Variants in OPRM1 observed in about 807,000 individuals in gnomAD.
OPRM1 encodes the protein opioid receptor mu 1.
OPRM1 carries 27 observed loss-of-function variants against 31.8 expected under a neutral mutation model. The ratio of observed to expected loss-of-function variants is 0.85; its 90% CI spans 0.63 to 1.17. The LOEUF (loss-of-function observed/expected upper bound fraction) is 1.17, where lower values mean the gene tolerates loss of function less well. Ranked by LOEUF, OPRM1 falls within the 50% of genes most tolerant of loss-of-function variation. The pLI is 0.00. For missense variants in OPRM1, 536 were observed against 511.1 expected (o/e 1.05, Z -0.47); for synonymous variants, 196 against 189.9 (o/e 1.03, Z -0.26).
chr6:154,076,502 C>T (rs1041373478), intron 1 of OPRM1, among the ~76,000 whole-genome samples: 2 of 152,224 alleles, frequency 1.3e-5, no homozygotes, highest in East Asian at 3.9e-4. Context: ...ACAATAGTGG[C>T]ATATTACCTA....
intron 3 of OPRM1, among the ~76,000 whole-genome samples, chr6:154,142,655 C>T (rs926027101): frequency 2.0e-5 from 3 of 152,150 alleles, no homozygotes; most frequent in African/African-American, 7.2e-5. Flanking sequence ...TCCAAGTGTA[C>T]TTTCCTTTCT....
intron 3 of OPRM1, among the ~76,000 whole-genome samples, chr6:154,164,823 A>G (rs1010449728): frequency 1.6e-4 from 25 of 152,214 alleles, no homozygotes; most frequent in African/African-American, 5.8e-4. Context: ...GACTTAGCCA[A>G]AAGTCAGTGA....
rs376353726 is a variant in OPRM1 at position 154,229,040 on chromosome 6, T to C, written c.1165-17653T>C. On this transcript the variant is annotated intron_variant, in intron 3 of 3. Coordinates refer to the OPRM1 transcript ENST00000337049. ...TAGGTGTGACCATTTCCAAAACTTTTTCCCTATTCCCTTAAGTCTGGACTA... is the reference window on the plus strand; with the variant it reads ...TAGGTGTGACCATTTCCAAAACTTTCTCCCTATTCCCTTAAGTCTGGACTA... 6.6e-5 allele frequency among the ~76,000 whole-genome samples: 10 copies of C among 152,362 alleles called. No homozygotes were observed. The East Asian group carries it at 1.5e-3, about 24-fold the overall frequency.
In OPRM1 at chr6:154,039,528, G is replaced by T. The variant is rs201433088; in HGVS notation, c.-17G>T. The T allele has an allele frequency of 1.7e-5, 28 of 1,600,934 alleles. No homozygotes were observed. The East Asian group carries it at 5.4e-4, about 31-fold the overall frequency. ...CTGGCTACCTCGCACAGCGGTGCCC[G>T]CCCGGCCGTCAGTACCATGGACAGC... On this transcript the variant is annotated 5_prime_UTR_variant, in exon 1 of 4. Coordinates refer to ENST00000330432, the MANE Select transcript of OPRM1 (RefSeq NM_000914.5).
rs1342078407 is a variant in OPRM1 at position 154,039,711 on chromosome 6, ACAG to A, written c.169_171del (p.Ser57del). 6.2e-7 allele frequency: 1 copy of A among 1,613,082 alleles called. No individual in the cohort carries two copies. The highest frequency in any genetic ancestry group is 1.3e-5 in the African/African-American group (1 of 75,040). ...AACCGCACCGACCTGGGCGGGAGAG[ACAG>A]CCTGTGCCCTCCGACCGGCAGTCCC... On this transcript the variant is annotated inframe_deletion, in exon 1 of 4. Coordinates refer to ENST00000330432, the MANE Select transcript of OPRM1 (RefSeq NM_000914.5).
Position 154,118,991 on chromosome 6 carries a change from G to A in OPRM1, c.*270G>A, listed in dbSNP as rs950726645. On this transcript the variant is annotated 3_prime_UTR_variant, in exon 4 of 4. Transcript: ENST00000330432. Reference sequence around the variant, plus strand: ...GTGGAACCAAAACCCATCGTGGTATGTGAATTGAAGTCATCATAAAAGGTG... The same window carrying A: ...GTGGAACCAAAACCCATCGTGGTATATGAATTGAAGTCATCATAAAAGGTG... The A allele has an allele frequency of 8.4e-7, 1 of 1,196,432 alleles. No homozygotes were observed. The highest frequency in any genetic ancestry group is 1.0e-6 in the Non-Finnish European group (1 of 963,564). The allele number at this position is 1,196,432 out of a possible 1,614,324, so 74.1% of individuals were successfully genotyped here. A position where few individuals can be genotyped will look rare whatever the true frequency, so the allele number is the denominator to read the frequency against.
At chr6:154,228,286 G>A (rs1390533398) in intron 3 of OPRM1, among the ~76,000 whole-genome samples, 4 of 145,990 alleles carry the variant, frequency 2.7e-5, no homozygotes, top group Non-Finnish European at 3.0e-5. Context: ...GACAACATAG[G>A]CAGACCTTGT....
intron 1 of OPRM1, among the ~76,000 whole-genome samples, chr6:154,020,337 T>C (rs1156356023): frequency 6.6e-6 from 1 of 152,196 alleles, no homozygotes; most frequent in African/African-American, 2.4e-5. Flanking sequence ...AACTGTTTTC[T>C]ACAGTGGCTG....
chr6:154,143,262 A>G (rs1798268349), intron 3 of OPRM1, among the ~76,000 whole-genome samples: 2 of 152,074 alleles, frequency 1.3e-5, no homozygotes, highest in Admixed American at 1.3e-4. Context: ...CCTCTGTCCC[A>G]TTGTATCTAA....
chr6:154,112,463 G>A (rs981730519), intron 3 of OPRM1, among the ~76,000 whole-genome samples: 3 of 152,194 alleles, frequency 2.0e-5, no homozygotes, highest in African/African-American at 4.8e-5. Context: ...CATACAATGA[G>A]TTGCACAGCA....
intron 3 of OPRM1, chr6:154,246,618 C>T (rs777824389): frequency 3.1e-6 from 5 of 1,613,738 alleles, no homozygotes; most frequent in East Asian, 2.2e-5. Flanking sequence ...AGTACAGTGA[C>T]GACCCCTTCA....
Position 154,091,032 on chromosome 6 carries a change from G to C in OPRM1, c.724G>C (p.Ala242Pro). The C allele has an allele frequency of 6.2e-7, 1 of 1,614,040 alleles. No individual in the cohort carries two copies. Among genetic ancestry groups the C allele is most frequent in the Non-Finnish European group, 8.5e-7 (1 of 1,180,010 alleles). ...NLLKICVFIF[A>P]FIMPVLIITV... ...GCTGAAGATCTGTGTTTTCATCTTC[G>C]CCTTCATTATGCCAGTGCTCATCAT... Residue 242 changes from alanine to proline, a missense_variant, in exon 3 of 4, where the codon GCC becomes CCC. Coordinates refer to ENST00000330432, the MANE Select transcript of OPRM1 (RefSeq NM_000914.5).
At chr6:154,041,633 T>A (rs950297896) in intron 1 of OPRM1, among the ~76,000 whole-genome samples, 8 of 130,048 alleles carry the variant, frequency 6.2e-5, no homozygotes, top group South Asian at 2.2e-4. Context: ...GCTAACATAT[T>A]TTTTTTTTTT....
At chr6:154,212,431 T>G (rs1778038795) in intron 3 of OPRM1, among the ~76,000 whole-genome samples, 1 of 152,212 alleles carries the variant, frequency 6.6e-6, no homozygotes, top group South Asian at 2.1e-4. Context: ...AGGCAAGGCA[T>G]TTAAATTCTT....
At chr6:154,100,100 G>GAT (rs1218680188) in intron 3 of OPRM1, among the ~76,000 whole-genome samples, 1 of 59,264 alleles carries the variant, frequency 1.7e-5, no homozygotes, top group Non-Finnish European at 3.2e-5. Flanking sequence ...ATCATATTAT[G>GAT]ATATATATAT....
intron 3 of OPRM1, among the ~76,000 whole-genome samples, chr6:154,195,393 C>T (rs1776529759): frequency 1.3e-5 from 2 of 151,886 alleles, no homozygotes; most frequent in Admixed American, 6.6e-5. Flanking sequence ...GTGATCCGCC[C>T]ACCTCGGCCT....
intron 3 of OPRM1, among the ~76,000 whole-genome samples, chr6:154,100,106 T>TATCATGATATATATC (rs1554275400): frequency 8.9e-5 from 2 of 22,388 alleles, no homozygotes; most frequent in East Asian, 4.0e-3. Context: ...TTATGATATA[T>TATCATGATATATATC]ATATTATATA....
chr6:154,074,871 G>A (rs530084676), intron 1 of OPRM1, among the ~76,000 whole-genome samples: 9 of 152,114 alleles, frequency 5.9e-5, no homozygotes, highest in Admixed American at 2.6e-4. Context: ...GGATAGACAC[G>A]GAAAAACTAA....
At position 154,128,934 on chromosome 6, in the gene OPRM1, C is replaced by T. The variant is rs917542977; in HGVS notation, c.*10213C>T. The stretch of plus-strand genomic sequence containing the variant: ...TCTATAAACATAAGTCAATTTGGCT[C>T]TATTATGTCAAAAGAGAATAGGAGT... On this transcript the variant is annotated 3_prime_UTR_variant, in exon 4 of 4. Transcript: ENST00000330432. Among the ~76,000 whole-genome samples, 6 of 90,010 alleles carry T rather than the reference C, an allele frequency of 6.7e-5. No homozygotes were observed. In the South Asian group the frequency reaches 3.1e-3, roughly 46 times the overall value. The allele number at this position is 90,010 out of a possible 152,430, so 59.1% of individuals were successfully genotyped here. A position where few individuals can be genotyped will look rare whatever the true frequency, so the allele number is the denominator to read the frequency against.
Sources: gnomAD v4.1 joint callset for allele counts (sites outside exome capture counted in the v4.1 genomes callset) on GRCh38, gnomAD v4.1.1 for gene constraint, MANE v1.5 for transcripts, NCBI Gene and HGNC (gene_info 2026-07-23, HGNC 2026-07-21) for gene names.